Variants in KCNB2 observed in about 807,000 individuals in gnomAD.
The protein encoded by KCNB2 is potassium voltage-gated channel subfamily B member 2.
KCNB2 carries 15 observed loss-of-function variants against 61.5 expected under a neutral mutation model. That is an observed-to-expected ratio of 0.24 (90% CI 0.16 to 0.38). The LOEUF (loss-of-function observed/expected upper bound fraction) is 0.38. Among genes scored for constraint, KCNB2 ranks in the 10% least tolerant of loss-of-function variants. The pLI is 1.00. For synonymous variants in KCNB2, 457 were observed against 446.0 expected, an observed-to-expected ratio of 1.02 and a Z score of -0.31; for missense variants, 828 against 1,125.2, an observed-to-expected ratio of 0.74 and a Z score of 3.78.
chr8:72,937,158 C>T lies in KCNB2; in HGVS notation c.1803C>T (p.Ser601=), dbSNP rs751228283. Residue 601 remains serine (S), a synonymous_variant, in exon 3 of 3, where the codon TCC becomes TCT. Transcript: ENST00000523207. ...TEVIVDMKST[S]SIDSFTSCAT... is the part of the protein sequence containing the mutation. ...TCATTGTGGACATGAAGAGCACCTCCAGCATCGACAGCTTCACCAGCTGTG... is the reference window on the plus strand; with the variant it reads ...TCATTGTGGACATGAAGAGCACCTCTAGCATCGACAGCTTCACCAGCTGTG... The T allele has an allele frequency of 2.5e-6, 4 of 1,614,130 alleles. No individual in the cohort carries two copies. Among genetic ancestry groups the T allele is most frequent in the Non-Finnish European group, 3.4e-6 (4 of 1,180,026 alleles).
chr8:72,781,279 A>C (rs991222001), intron 2 of KCNB2, among the ~76,000 whole-genome samples: 2 of 152,174 alleles, frequency 1.3e-5, no homozygotes, highest in African/African-American at 4.8e-5. Context: ...TTTTGTCATG[A>C]AATCTTTGCC....
intron 2 of KCNB2, among the ~76,000 whole-genome samples, chr8:72,835,180 G>A (rs1006150188): frequency 1.3e-5 from 2 of 152,176 alleles, no homozygotes; most frequent in African/African-American, 4.8e-5. Context: ...TCCTGAGGAT[G>A]TTCCTGAGAC....
intron 2 of KCNB2, among the ~76,000 whole-genome samples, chr8:72,717,199 G>A (rs1807459881): frequency 1.3e-5 from 2 of 152,176 alleles, no homozygotes; most frequent in South Asian, 4.1e-4. Context: ...CATGCTCATA[G>A]GTAGAAAGAA....
intron 2 of KCNB2, among the ~76,000 whole-genome samples, chr8:72,744,277 A>G (rs994769509): frequency 6.6e-5 from 10 of 152,170 alleles, no homozygotes; most frequent in Non-Finnish European, 1.5e-5. Flanking sequence ...CAGTTTCCAC[A>G]GTTTCTTAAG....
intron 2 of KCNB2, among the ~76,000 whole-genome samples, chr8:72,860,828 A>T (rs1466213223): frequency 6.6e-6 from 1 of 152,248 alleles, no homozygotes; most frequent in East Asian, 1.9e-4. Context: ...ATCTTCTTGA[A>T]GGATGAACCA....
rs572568251 is a variant in KCNB2 at position 72,561,679 on chromosome 8, A to C, written c.-93-5963A>C. Among the ~76,000 whole-genome samples the C allele has an allele frequency of 3.0e-4, 37 of 122,608 alleles. 1 individual carries two copies. Among genetic ancestry groups the C allele is most frequent in the Non-Finnish European group, 3.1e-4 (18 of 58,496 alleles). 80.4% of individuals were successfully genotyped at this position (122,608 alleles called of 152,430 possible). ...TTTCTTAGAATAGCTGAAAATTTCC[A>C]GGATCTTACTTTTATATATATATAT... On this transcript the variant is annotated intron_variant, in intron 1 of 2. Transcript: ENST00000523207.
intron 1 of KCNB2, among the ~76,000 whole-genome samples, chr8:72,552,920 T>A (rs144288265): frequency 6.6e-6 from 1 of 152,240 alleles, no homozygotes; most frequent in East Asian, 1.9e-4. Flanking sequence ...CCTTCCTCTC[T>A]TACTGTTTCC....
At chr8:72,773,331 G>T (rs1563380963) in intron 2 of KCNB2, among the ~76,000 whole-genome samples, 1 of 151,958 alleles carries the variant, frequency 6.6e-6, no homozygotes, top group Admixed American at 6.6e-5. Flanking sequence ...AACAGGTTGA[G>T]TTTTTTTTAA....
At chr8:72,671,056 CT>C (rs1163962934) in intron 2 of KCNB2, among the ~76,000 whole-genome samples, 3 of 152,140 alleles carry the variant, frequency 2.0e-5, no homozygotes, top group Non-Finnish European at 4.4e-5. Context: ...AATTTCAGAG[CT>C]GCAAGAAACC....
At chr8:72,783,912 T>G (rs967881743) in intron 2 of KCNB2, among the ~76,000 whole-genome samples, 2 of 152,120 alleles carry the variant, frequency 1.3e-5, no homozygotes, top group African/African-American at 4.8e-5. Flanking sequence ...AAAGGCTGTT[T>G]GTTGTTTTCT....
intron 2 of KCNB2, among the ~76,000 whole-genome samples, chr8:72,824,556 C>T (rs1809566807): frequency 6.6e-6 from 1 of 152,134 alleles, no homozygotes; most frequent in Non-Finnish European, 1.5e-5. Context: ...TGATGACTCT[C>T]TCCTGCTTCA....
At chr8:72,823,929 C>G (rs950508104) in intron 2 of KCNB2, among the ~76,000 whole-genome samples, 1 of 152,248 alleles carries the variant, frequency 6.6e-6, no homozygotes, top group Non-Finnish European at 1.5e-5. Context: ...CTTCAAGGAC[C>G]CTGGGAGCCC....
At chr8:72,697,170 C>T (rs974318006) in intron 2 of KCNB2, among the ~76,000 whole-genome samples, 3 of 152,064 alleles carry the variant, frequency 2.0e-5, no homozygotes, top group African/African-American at 7.2e-5. Context: ...ATTCTCTTTC[C>T]GTAATATGTG....
chr8:72,786,158 A>C (rs2128998316), intron 2 of KCNB2, among the ~76,000 whole-genome samples: 1 of 152,184 alleles, frequency 6.6e-6, no homozygotes, highest in Admixed American at 6.5e-5. Context: ...TTCATGTCAA[A>C]TCCTACAAGC....
intron 2 of KCNB2, among the ~76,000 whole-genome samples, chr8:72,918,493 G>A (rs1484775582): frequency 6.6e-6 from 1 of 152,122 alleles, no homozygotes; most frequent in Non-Finnish European, 1.5e-5. Context: ...TTGTTGGATT[G>A]CATTTGCATA....
At chr8:72,934,239 A>C (rs574451174) in intron 2 of KCNB2, among the ~76,000 whole-genome samples, 6 of 152,082 alleles carry the variant, frequency 3.9e-5, no homozygotes, top group African/African-American at 1.4e-4. Flanking sequence ...ATGGTGGTGC[A>C]TACCTGTAGT....
chr8:72,584,637 A>G (rs1213753634), intron 2 of KCNB2, among the ~76,000 whole-genome samples: 1 of 152,232 alleles, frequency 6.6e-6, no homozygotes, highest in Non-Finnish European at 1.5e-5. Flanking sequence ...GTGCCCTTGC[A>G]GGAACATGGA....
chr8:72,783,345 A>G (rs1159716134), intron 2 of KCNB2, among the ~76,000 whole-genome samples: 1 of 152,138 alleles, frequency 6.6e-6, no homozygotes, highest in Non-Finnish European at 1.5e-5. Context: ...AGGTCTTGCA[A>G]GACTGACCTC....
At chr8:72,618,787 CT>C in intron 2 of KCNB2, 1 of 217,744 alleles carries the variant, frequency 4.6e-6, no homozygotes, top group Non-Finnish European at 9.5e-6. Flanking sequence ...TCTCTCTTTG[CT>C]TCTTCAATTT....
Sources: allele counts gnomAD v4.1 joint callset (sites outside exome capture counted in the v4.1 genomes callset), GRCh38; gene constraint gnomAD v4.1.1; transcripts MANE v1.5; gene names NCBI Gene and HGNC (gene_info 2026-07-23, HGNC 2026-07-21).